MPP7: variants seen among roughly 807,000 people sequenced by gnomAD.
The protein encoded by MPP7 is MAGUK p55 subfamily member 7.
Under a neutral mutation model 76.5 loss-of-function variants are expected in MPP7, and 60 were observed. The observed-to-expected ratio is 0.78, with a 90% CI of 0.64 to 0.97. MPP7 has a LOEUF of 0.97. MPP7 is among the 50% of genes least tolerant of loss of function. MPP7 has a pLI of 0.00. For missense variants in MPP7, 641 were observed against 694.0 expected (o/e 0.92, Z 0.86); for synonymous variants, 237 against 244.5 (o/e 0.97, Z 0.29).
At chr10:28,076,193 C>T (rs2133387019) in intron 12 of MPP7, among the ~76,000 whole-genome samples, 1 of 152,200 alleles carries the variant, frequency 6.6e-6, no homozygotes, top group South Asian at 2.1e-4. Flanking sequence ...ATCTTGCTCC[C>T]AAAACTCAGA....
chr10:28,329,993 T>C (rs1834456976), exon 2 of MPP7: 1 of 152,222 alleles, frequency 6.6e-6, no homozygotes, highest in Non-Finnish European at 1.5e-5. Context: ...TACTTCTCCT[T>C]TTCTTCCTGC....
intron 1 of MPP7, among the ~76,000 whole-genome samples, chr10:28,259,180 G>T (rs1050879558): frequency 3.3e-5 from 5 of 152,114 alleles, no homozygotes; most frequent in Admixed American, 3.3e-4. Flanking sequence ...TCATTCATAT[G>T]CCAGCCTCAC....
intron 2 of MPP7, among the ~76,000 whole-genome samples, chr10:28,318,659 T>C (rs1208138725): frequency 6.6e-6 from 1 of 152,176 alleles, no homozygotes. Flanking sequence ...CACTCCAGCC[T>C]GGGTGACAAG....
intron 12 of MPP7, among the ~76,000 whole-genome samples, chr10:28,070,567 A>G (rs1852195868): frequency 1.3e-5 from 2 of 152,238 alleles, no homozygotes; most frequent in African/African-American, 4.8e-5. Flanking sequence ...TGGGATGCAA[A>G]TTCAGTTACG....
At chr10:28,124,842 T>C (rs1258422279) in intron 7 of MPP7, among the ~76,000 whole-genome samples, 168 bp downstream of exon 7, 1 of 152,116 alleles carries the variant, frequency 6.6e-6, no homozygotes, top group Non-Finnish European at 1.5e-5. Flanking sequence ...GTAATGTTTA[T>C]CTATCATTTA....
intron 11 of MPP7, among the ~76,000 whole-genome samples, chr10:28,119,436 G>T (rs375875684): frequency 1.3e-5 from 2 of 152,054 alleles, no homozygotes; most frequent in East Asian, 3.9e-4. Context: ...AGTGAGTCAT[G>T]GATTTATTAT....
intron 5 of MPP7, among the ~76,000 whole-genome samples, chr10:28,146,087 C>T (rs1331572625): frequency 1.3e-5 from 2 of 152,184 alleles, no homozygotes; most frequent in East Asian, 3.9e-4. Context: ...TAGCTAACCT[C>T]ACCCTCCCCT....
chr10:28,059,640 G>A lies in MPP7; in HGVS notation c.1298+10C>T. 6.3e-7 allele frequency: 1 copy of A among 1,597,706 alleles called. No individual in the cohort carries two copies. The highest frequency in any genetic ancestry group is 8.6e-7 in the Non-Finnish European group (1 of 1,165,792). On this transcript the variant is annotated intron_variant, in intron 14 of 16. Coordinates refer to ENST00000683449, the MANE Select transcript of MPP7 (RefSeq NM_001318170.2). ...CAGTCACATGAAAATTCTCAAAAAT[G>A]TCCACATACTTGTTATTTTGTACAT...
intron 1 of MPP7, among the ~76,000 whole-genome samples, chr10:28,254,084 A>G (rs1228230287): frequency 3.3e-5 from 5 of 151,562 alleles, no homozygotes; most frequent in Non-Finnish European, 2.9e-5. Context: ...ATTGCACTAT[A>G]ATCTCCTTGA....
chr10:28,109,610 C>A (rs1834431892), intron 11 of MPP7, among the ~76,000 whole-genome samples: 1 of 151,786 alleles, frequency 6.6e-6, no homozygotes, highest in Non-Finnish European at 1.5e-5. Flanking sequence ...AAGGTGCATG[C>A]CACCCCCACC....
At chr10:28,109,658 A>G (rs942972117) in intron 11 of MPP7, among the ~76,000 whole-genome samples, 1 of 151,802 alleles carries the variant, frequency 6.6e-6, no homozygotes, top group Non-Finnish European at 1.5e-5. Flanking sequence ...CGCTCATTTC[A>G]GATAAAACGA....
chr10:28,132,249 C>A (rs1476556623), intron 5 of MPP7, among the ~76,000 whole-genome samples: 1 of 151,978 alleles, frequency 6.6e-6, no homozygotes, highest in Non-Finnish European at 1.5e-5. Flanking sequence ...TAATTCTACA[C>A]CAAAGATGAA....
chr10:28,055,917 CAAG>C (rs969445537), intron 16 of MPP7, among the ~76,000 whole-genome samples: 3 of 152,278 alleles, frequency 2.0e-5, no homozygotes, highest in African/African-American at 4.8e-5. Flanking sequence ...CACCAAAGCA[CAAG>C]AAGTGTAACT....
chr10:28,301,567 C>A (rs557423880), intron 1 of MPP7, among the ~76,000 whole-genome samples: 3 of 152,236 alleles, frequency 2.0e-5, no homozygotes, highest in Admixed American at 6.5e-5. Context: ...GGCTTGATGG[C>A]GGGAATCTTA....
intron 11 of MPP7, among the ~76,000 whole-genome samples, chr10:28,116,880 G>C (rs1834678172): frequency 6.6e-6 from 1 of 152,106 alleles, no homozygotes; most frequent in Non-Finnish European, 1.5e-5. Flanking sequence ...TTGCACTTAT[G>C]AATTTTGCAT....
At chr10:28,270,560 A>AG (rs1840296653) in intron 1 of MPP7, among the ~76,000 whole-genome samples, 1 of 25,052 alleles carries the variant, frequency 4.0e-5, no homozygotes, top group Non-Finnish European at 7.7e-5. Context: ...GGAGCTGGGG[A>AG]GGGGGCGCAA....
At chr10:28,174,290 G>T (rs1302792683) in intron 3 of MPP7, among the ~76,000 whole-genome samples, 2 of 152,212 alleles carry the variant, frequency 1.3e-5, no homozygotes, top group African/African-American at 4.8e-5. Flanking sequence ...AATGTTGGAG[G>T]TGGGGCCTGT....
chr10:28,113,926 AC>A (rs1392018311), intron 11 of MPP7, among the ~76,000 whole-genome samples: 1 of 151,924 alleles, frequency 6.6e-6, no homozygotes. Flanking sequence ...ACTTAGCATG[AC>A]CTCCCATGGC....
At chr10:28,318,702 G>A (rs1275797853) in intron 2 of MPP7, among the ~76,000 whole-genome samples, 3 of 152,066 alleles carry the variant, frequency 2.0e-5, no homozygotes, top group Non-Finnish European at 4.4e-5. Flanking sequence ...TAAAAGAAAA[G>A]AAAAGCAATA....
Sources: allele counts gnomAD v4.1 joint callset (sites outside exome capture counted in the v4.1 genomes callset), GRCh38; gene constraint gnomAD v4.1.1; transcripts MANE v1.5; gene names NCBI Gene and HGNC (gene_info 2026-07-23, HGNC 2026-07-21).